NEK10: variants seen among roughly 807,000 people sequenced by gnomAD.
The protein encoded by NEK10 is NIMA related kinase 10, also known as serine/threonine-protein kinase Nek10.
A neutral mutation model predicts 159.8 loss-of-function variants in NEK10; 122 were observed. The ratio of observed to expected loss-of-function variants is 0.76; its 90% confidence interval spans 0.66 to 0.89. The LOEUF (loss-of-function observed/expected upper bound fraction) is 0.89, where lower values mean the gene tolerates loss of function less well. Ranked by LOEUF, NEK10 falls within the 40% of genes least tolerant of loss-of-function variation. The pLI is 0.00. For missense variants in NEK10, 1,342 were observed against 1,323.1 expected (o/e 1.01, Z -0.22); for synonymous variants, 466 against 457.1 (o/e 1.02, Z -0.25).
intron 30 of NEK10, among the ~76,000 whole-genome samples, chr3:27,144,443 A>C (rs536756468): frequency 1.3e-5 from 2 of 152,218 alleles, no homozygotes; most frequent in Admixed American, 1.3e-4. Flanking sequence ...GACACAGTGA[A>C]GTGAAATAGC....
intron 1 of NEK10, among the ~76,000 whole-genome samples, chr3:27,364,695 C>T (rs1048050931): frequency 2.0e-5 from 3 of 152,172 alleles, no homozygotes; most frequent in African/African-American, 7.2e-5. Flanking sequence ...TTAGTATATT[C>T]ATTTAATCCT....
At chr3:27,168,041 G>A (rs1946633822) in intron 29 of NEK10, among the ~76,000 whole-genome samples, 1 of 152,120 alleles carries the variant, frequency 6.6e-6, no homozygotes, top group Non-Finnish European at 1.5e-5. Flanking sequence ...CCAAAGTTAT[G>A]AGTTTATGCT....
At chr3:27,321,679 T>C (rs1008257181) in intron 6 of NEK10, among the ~76,000 whole-genome samples, 2 of 152,080 alleles carry the variant, frequency 1.3e-5, no homozygotes, top group African/African-American at 4.8e-5. Flanking sequence ...TGCCCTCCTT[T>C]GGGACAAGCA....
chr3:27,218,587 G>GT lies in NEK10; in HGVS notation c.2091-16031dup, dbSNP rs567152201. ...GCCACTGCACTCCAGCCTGGGCAAC[G>GT]TATCAAGTCTCCATCTCAAAAAAAA... On this transcript the variant is annotated intron_variant, in intron 23 of 35. Coordinates refer to ENST00000691995, the MANE Select transcript of NEK10 (RefSeq NM_001394966.1). Among the ~76,000 whole-genome samples, 27 of 124,820 alleles carry GT rather than the reference G, an allele frequency of 2.2e-4. No individual in the cohort carries two copies. In the South Asian group the frequency reaches 5.1e-3, roughly 24 times the overall value. 81.9% of individuals were successfully genotyped at this position (124,820 alleles called of 152,430 possible).
intron 26 of NEK10, among the ~76,000 whole-genome samples, chr3:27,185,974 G>A (rs1948579275): frequency 6.6e-6 from 1 of 152,206 alleles, no homozygotes. Context: ...CTAACAAAAT[G>A]AATACAGGAT....
At chr3:27,259,377 C>T (rs1276277587) in intron 22 of NEK10, among the ~76,000 whole-genome samples, 3 of 152,038 alleles carry the variant, frequency 2.0e-5, no homozygotes, top group Admixed American at 6.6e-5. Flanking sequence ...CTTTAATCCA[C>T]CTTGAATTAA....
chr3:27,246,443 G>A (rs975852379), intron 23 of NEK10, among the ~76,000 whole-genome samples: 7 of 151,900 alleles, frequency 4.6e-5, no homozygotes, highest in African/African-American at 2.4e-5. Flanking sequence ...TATATAGTAG[G>A]TGTATATGTT....
At chr3:27,304,125 A>C (rs2044048369) in intron 12 of NEK10, among the ~76,000 whole-genome samples, 1 of 152,210 alleles carries the variant, frequency 6.6e-6, no homozygotes, top group South Asian at 2.1e-4. Flanking sequence ...CTGACTTAGA[A>C]TGTCACTGGA....
At chr3:27,184,101 G>T (rs546134214) in intron 26 of NEK10, among the ~76,000 whole-genome samples, 5 of 152,232 alleles carry the variant, frequency 3.3e-5, no homozygotes, top group Admixed American at 2.0e-4. Flanking sequence ...AGAGAAAAAA[G>T]TTATAAACAT....
chr3:27,166,197 T>C lies in NEK10; in HGVS notation c.2832-3459A>G, dbSNP rs185384136. Among the ~76,000 whole-genome samples, 62 of 152,326 alleles carry C rather than the reference T, an allele frequency of 4.1e-4. 2 individuals carry two copies. In the East Asian group the frequency reaches 0.01, roughly 26 times the overall value. On this transcript the variant is annotated intron_variant, in intron 29 of 35. Coordinates refer to ENST00000691995, the MANE Select transcript of NEK10 (RefSeq NM_001394966.1). ...TGTCCTGTGTGAATAAGCAACATTA[T>C]GTAGCTTTGAGCTCTCCTATTTATC...
intron 26 of NEK10, among the ~76,000 whole-genome samples, chr3:27,185,406 T>C (rs1559569970): frequency 2.6e-5 from 4 of 152,176 alleles, no homozygotes; most frequent in Admixed American, 2.0e-4. Flanking sequence ...ATGTGGAAGA[T>C]GGCTAAGGGA....
intron 32 of NEK10, 99 bp from the exon 33 acceptor site, chr3:27,119,967 A>G: frequency 2.5e-6 from 2 of 793,918 alleles, no homozygotes; most frequent in Non-Finnish European, 2.2e-6. Context: ...GTCTCTGCAC[A>G]GAAAATTTAG....
At chr3:27,170,697 C>T (rs1393291253) in intron 29 of NEK10, among the ~76,000 whole-genome samples, 1 of 152,094 alleles carries the variant, frequency 6.6e-6, no homozygotes, top group Non-Finnish European at 1.5e-5. Context: ...TGCACTCCAG[C>T]CTGGGTGACA....
chr3:27,230,023 C>T (rs1292420255), intron 23 of NEK10, among the ~76,000 whole-genome samples: 1 of 152,036 alleles, frequency 6.6e-6, no homozygotes, highest in Non-Finnish European at 1.5e-5. Flanking sequence ...CGAAGAACTC[C>T]TGGGAAATTA....
At chr3:27,347,573 A>G (rs2047658040) in intron 3 of NEK10, among the ~76,000 whole-genome samples, 1 of 151,948 alleles carries the variant, frequency 6.6e-6, no homozygotes, top group South Asian at 2.1e-4. Context: ...GACTTTTTAT[A>G]ATGTCAGCTT....
At chr3:27,240,649 C>G (rs1284104943) in intron 23 of NEK10, among the ~76,000 whole-genome samples, 1 of 129,180 alleles carries the variant, frequency 7.7e-6, no homozygotes, top group Non-Finnish European at 1.6e-5. Flanking sequence ...TTATTACTAT[C>G]TCATCTTTTT....
intron 30 of NEK10, among the ~76,000 whole-genome samples, chr3:27,152,258 C>T (rs559193138): frequency 2.0e-5 from 3 of 152,200 alleles, no homozygotes; most frequent in Non-Finnish European, 4.4e-5. Flanking sequence ...ACCAGGTAAC[C>T]TATAAAGGAA....
intron 3 of NEK10, among the ~76,000 whole-genome samples, chr3:27,347,111 CAAAA>C (rs796502148): frequency 6.6e-6 from 1 of 151,946 alleles, no homozygotes; most frequent in Non-Finnish European, 1.5e-5. Flanking sequence ...TATAACATAA[CAAAA>C]AAATCATTTT....
Position 27,235,372 on chromosome 3 carries a change from G to A in NEK10, c.2090+20924C>T, listed in dbSNP as rs530343382. On this transcript the variant is annotated intron_variant, in intron 23 of 35. Coordinates refer to ENST00000691995, the MANE Select transcript of NEK10 (RefSeq NM_001394966.1). Reference sequence around the variant, plus strand: ...AATTTTTGCAAACTATGCATCTGACGAAGGTCTAATATCCAGCATCTATAA... The same window carrying A: ...AATTTTTGCAAACTATGCATCTGACAAAGGTCTAATATCCAGCATCTATAA... Among the ~76,000 whole-genome samples the A allele has an allele frequency of 7.2e-5, 11 of 152,120 alleles. No individual in the cohort carries two copies. In the East Asian group the frequency reaches 1.5e-3, roughly 21 times the overall value.
Sources: gnomAD v4.1 joint callset for allele counts (sites outside exome capture counted in the v4.1 genomes callset) on GRCh38, gnomAD v4.1.1 for gene constraint, MANE v1.5 for transcripts, NCBI Gene and HGNC (gene_info 2026-07-23, HGNC 2026-07-21) for gene names.